The following ADGRV1 variants were observed in gnomAD, a reference collection of about 807,000 sequenced individuals.
The protein encoded by ADGRV1 is G-protein coupled receptor 98.
A neutral mutation model predicts 596.2 loss-of-function variants in ADGRV1; 359 were observed. The observed-to-expected ratio is 0.60, with a 90% CI of 0.55 to 0.66. ADGRV1 has a LOEUF of 0.66. ADGRV1 is among the 30% of genes least tolerant of loss of function. ADGRV1 has a pLI of 0.00. For missense variants in ADGRV1, 7,274 were observed against 7,575.6 expected (o/e 0.96, Z 1.48); for synonymous variants, 2,681 against 2,679.2 (o/e 1.00, Z -0.02).
At chr5:90,901,536 A>G (rs1771840626) in intron 83 of ADGRV1, among the ~76,000 whole-genome samples, 1 of 152,190 alleles carries the variant, frequency 6.6e-6, no homozygotes, top group Non-Finnish European at 1.5e-5. Flanking sequence ...AGCTACTTAC[A>G]TAATGATCAA....
chr5:90,665,450 A>C, intron 21 of ADGRV1, among the ~76,000 whole-genome samples: 1 of 151,612 alleles, frequency 6.6e-6, no homozygotes, highest in East Asian at 1.9e-4. Flanking sequence ...CTGTGGGATC[A>C]GTGGTGATAT....
chr5:90,823,485 C>G lies in ADGRV1; in HGVS notation c.16257C>G (p.Leu5419=), dbSNP rs1330494844. 1.2e-6 allele frequency: 2 copies of G among 1,613,866 alleles called. No individual in the cohort carries two copies. The highest frequency in any genetic ancestry group is 1.7e-6 in the Non-Finnish European group (2 of 1,179,852). Residue 5419 remains leucine (L), a synonymous_variant, in exon 76 of 90, where the codon CTC becomes CTG. Transcript: ENST00000405460. ...CACTTAACAAAACAGTCGTCGTGCT[C>G]CAGAAGGATGGGGTAAACCTGGTGG... ...RVTLNKTVVV[L]QKDGVNLVEE...
intron 70 of ADGRV1, chr5:90,793,156 AC>A (rs1490270648): frequency 1.3e-5 from 2 of 152,194 alleles, no homozygotes; most frequent in African/African-American, 4.8e-5. Context: ...TCAATTTCTA[AC>A]CTGCATTTCC....
chr5:90,800,719 A>C (rs1326881320), intron 70 of ADGRV1, among the ~76,000 whole-genome samples: 1 of 152,234 alleles, frequency 6.6e-6, no homozygotes, highest in African/African-American at 2.4e-5. Flanking sequence ...TGTGACACAT[A>C]CACCATGGAA....
intron 83 of ADGRV1, among the ~76,000 whole-genome samples, chr5:90,935,918 T>TAGTGTG (rs1775646423): frequency 6.6e-6 from 1 of 152,134 alleles, no homozygotes; most frequent in African/African-American, 2.4e-5. Context: ...TTGAAGGCTG[T>TAGTGTG]AGTGTGTTGT....
intron 27 of ADGRV1, 122 bp from the exon 28 acceptor site, chr5:90,683,464 G>A: frequency 1.3e-6 from 1 of 765,620 alleles, no homozygotes; most frequent in Non-Finnish European, 2.0e-6. Context: ...CAGCAGTCTT[G>A]TAGTCTGGAG....
intron 1 of ADGRV1, among the ~76,000 whole-genome samples, chr5:90,614,528 T>A (rs1156664835): frequency 6.6e-6 from 1 of 152,114 alleles, no homozygotes; most frequent in Non-Finnish European, 1.5e-5. Context: ...AAAATGTGGA[T>A]GTCAATAAAT....
chr5:91,137,173 A>G (rs929564185), intron 87 of ADGRV1, among the ~76,000 whole-genome samples: 2 of 151,400 alleles, frequency 1.3e-5, no homozygotes, highest in Non-Finnish European at 2.9e-5. Context: ...GTGACCTTGA[A>G]CTCCTGGGCT....
At chr5:90,903,111 G>A (rs1034303436) in intron 83 of ADGRV1, among the ~76,000 whole-genome samples, 4 of 152,052 alleles carry the variant, frequency 2.6e-5, no homozygotes, top group Non-Finnish European at 5.9e-5. Context: ...TAGGAACCAA[G>A]AATGATTTAT....
In ADGRV1 at chr5:90,829,004, A is replaced by G; in HGVS notation, c.16429A>G (p.Ile5477Val). ...ATATGAAGCTACTGCTGGAGCAGCA[A>G]TAAACAACAGTGCCAGATTCGCACA... ...ELYEATAGAA[I>V]NNSARFAQIK... Residue 5477 changes from isoleucine to valine, a missense_variant, in exon 77 of 90, where the codon ATA becomes GTA. Coordinates refer to ENST00000405460, the MANE Select transcript of ADGRV1 (RefSeq NM_032119.4). The G allele has an allele frequency of 6.2e-7, 1 of 1,608,794 alleles. No individual in the cohort carries two copies. The highest frequency in any genetic ancestry group is 1.1e-5 in the South Asian group (1 of 90,116).
intron 58 of ADGRV1, among the ~76,000 whole-genome samples, chr5:90,761,070 A>C (rs1242688630): frequency 6.6e-6 from 1 of 152,228 alleles, no homozygotes; most frequent in Non-Finnish European, 1.5e-5. Context: ...TCAGTAATTC[A>C]CATAGATCAC....
chr5:90,959,656 A>AT (rs1777798033), intron 83 of ADGRV1, among the ~76,000 whole-genome samples: 1 of 151,822 alleles, frequency 6.6e-6, no homozygotes, highest in East Asian at 1.9e-4. Flanking sequence ...ACTCCCACAT[A>AT]TATAGGCAAG....
chr5:90,725,359 A>G, intron 47 of ADGRV1, 127 bp downstream of exon 47: 2 of 735,090 alleles, frequency 2.7e-6, no homozygotes, highest in East Asian at 2.9e-5. Context: ...GTGAGTTGAT[A>G]TACATTTTAG....
intron 50 of ADGRV1, among the ~76,000 whole-genome samples, chr5:90,734,861 C>T (rs2149848427): frequency 6.6e-6 from 1 of 152,232 alleles, no homozygotes; most frequent in Middle Eastern, 3.4e-3. Context: ...CCCGGCCTAG[C>T]CTATTTTTTA....
At chr5:90,664,612 T>C (rs944499311) in intron 21 of ADGRV1, among the ~76,000 whole-genome samples, 22 of 137,954 alleles carry the variant, frequency 1.6e-4, no homozygotes, top group African/African-American at 6.3e-4. Context: ...TATTTCCTTC[T>C]CCTGCCTAAT....
At chr5:90,778,763 T>C (rs762863310) in intron 63 of ADGRV1, 102 bp from the exon 64 acceptor site, 2 of 1,112,530 alleles carry the variant, frequency 1.8e-6, no homozygotes, top group Non-Finnish European at 2.5e-6. Flanking sequence ...TAACCTTATA[T>C]GTAATTTTAA....
intron 85 of ADGRV1, among the ~76,000 whole-genome samples, chr5:91,066,319 A>G (rs545888045): frequency 6.6e-6 from 1 of 152,236 alleles, no homozygotes; most frequent in East Asian, 1.9e-4. Flanking sequence ...TGATCACTTT[A>G]TGTGCTCTAA....
At chr5:90,893,148 C>G (rs1770981697) in intron 83 of ADGRV1, among the ~76,000 whole-genome samples, 1 of 152,116 alleles carries the variant, frequency 6.6e-6, no homozygotes, top group Admixed American at 6.6e-5. Context: ...AAGTTAAATG[C>G]TTGACTGAGG....
intron 21 of ADGRV1, among the ~76,000 whole-genome samples, chr5:90,671,387 G>T (rs1433595537): frequency 6.6e-6 from 1 of 152,156 alleles, no homozygotes; most frequent in Non-Finnish European, 1.5e-5. Flanking sequence ...CCTATCACCT[G>T]GTTGTTTTGG....
Sources: gnomAD v4.1 joint callset for allele counts (sites outside exome capture counted in the v4.1 genomes callset) on GRCh38, gnomAD v4.1.1 for gene constraint, MANE v1.5 for transcripts, NCBI Gene and HGNC (gene_info 2026-07-23, HGNC 2026-07-21) for gene names.